The following ZNF777 variants were observed in gnomAD, a reference collection of about 807,000 sequenced individuals.
The protein encoded by ZNF777 is zinc finger protein 777.
Under a neutral mutation model 72.1 loss-of-function variants are expected in ZNF777, and 7 were observed. The ratio of observed to expected loss-of-function variants is 0.10; its 90% CI spans 0.06 to 0.18. ZNF777 has a LOEUF of 0.18. ZNF777 is among the 10% of genes least tolerant of loss of function. The pLI is 1.00. For missense variants in ZNF777, 828 were observed against 1,128.6 expected (o/e 0.73, Z 3.82); for synonymous variants, 545 against 483.5 (o/e 1.13, Z -1.67).
chr7:149,432,019 G>A lies in ZNF777; in HGVS notation c.2253C>T (p.Ala751=), dbSNP rs752408818. The A allele has an allele frequency of 2.5e-5, 41 of 1,607,946 alleles. No homozygotes were observed. Among genetic ancestry groups the A allele is most frequent in the Admixed American group, 6.7e-5 (4 of 59,720 alleles). ...CRVHSRERPH[A]CPECGKSFIR... is the part of the protein sequence containing the mutation. ...TGAAGCTCTTGCCGCACTCGGGGCA[G>A]GCGTGCGGCCGCTCGCGCGAGTGCA... Residue 751 remains alanine, a synonymous_variant, in exon 6 of 6, where the codon GCC becomes GCT. Coordinates refer to ENST00000247930, the MANE Select transcript of ZNF777 (RefSeq NM_015694.3).
At position 149,432,565 on chromosome 7, in the gene ZNF777, G is replaced by A. The variant is rs757391557; in HGVS notation, c.1707C>T (p.Ile569=). The change falls in exon 6 of 6, where the codon ATC becomes ATT. Residue 569 remains isoleucine, a synonymous_variant. Transcript: ENST00000247930. ...INLIIHQRNH[I]KEGPYECAEC... ...CGGCGCACTCGTAGGGCCCCTCCTT[G>A]ATGTGGTTGCGCTGGTGGATGATGA... 1.9e-6 allele frequency: 3 copies of A among 1,613,492 alleles called. No homozygotes were observed. Among genetic ancestry groups the A allele is most frequent in the Non-Finnish European group, 2.5e-6 (3 of 1,179,754 alleles).
At chr7:149,432,987 T>A in intron 5 of ZNF777, 55 bp from the exon 6 acceptor site, 2 of 1,447,272 alleles carry the variant, frequency 1.4e-6, no homozygotes, top group Non-Finnish European at 1.8e-6. Context: ...GCCCCTAACC[T>A]ACCTGGATGG....
intron 1 of ZNF777, among the ~76,000 whole-genome samples, chr7:149,456,362 G>C (rs1205848456): frequency 6.6e-6 from 1 of 152,092 alleles, no homozygotes; most frequent in African/African-American, 2.4e-5. Flanking sequence ...TAGAGCTTTT[G>C]GCCCTGTCTA....
At position 149,432,874 on chromosome 7, in the gene ZNF777, A is replaced by ATCC. The variant is rs747645475; in HGVS notation, c.1395_1397dup (p.Glu465dup). The ATCC allele has an allele frequency of 1.5e-5, 24 of 1,557,138 alleles. No homozygotes were observed. In the East Asian group the frequency reaches 3.4e-4, roughly 22 times the overall value. ...GGGATTGCAAGTGCTGCGGCAGCTCATCCTCCTCCTCCTCTTCTTCCTCCT... is the reference window on the plus strand; with the variant it reads ...GGGATTGCAAGTGCTGCGGCAGCTCATCCTCCTCCTCCTCCTCTTCTTCCTCCT... On this transcript the variant is annotated inframe_insertion, in exon 6 of 6. Transcript: ENST00000247930.
chr7:149,443,963 T>C (rs1799566267), intron 4 of ZNF777, among the ~76,000 whole-genome samples: 1 of 152,200 alleles, frequency 6.6e-6, no homozygotes, highest in South Asian at 2.1e-4. Context: ...AGCAATCACT[T>C]CAATGATTCC....
intron 4 of ZNF777, among the ~76,000 whole-genome samples, chr7:149,438,291 C>T (rs555061670): frequency 2.6e-5 from 4 of 152,212 alleles, no homozygotes; most frequent in Admixed American, 6.5e-5. Context: ...AGCCACCACA[C>T]CTGGCTTCAA....
intron 1 of ZNF777, among the ~76,000 whole-genome samples, chr7:149,458,483 G>C (rs981064437): frequency 1.3e-5 from 2 of 149,410 alleles, no homozygotes; most frequent in South Asian, 4.2e-4. Flanking sequence ...GAGTAATGCA[G>C]AGGTTTAACT....
intron 4 of ZNF777, among the ~76,000 whole-genome samples, chr7:149,440,662 GTTGTTTTTTTGTT>G (rs1297244445): frequency 1.3e-4 from 16 of 124,618 alleles, no homozygotes; most frequent in African/African-American, 4.6e-4. Flanking sequence ...CCAGCAGCCT[GTTGTTTTTTTGTT>G]TTTTTTTTTT....
At chr7:149,442,281 A>G (rs543433415) in intron 4 of ZNF777, among the ~76,000 whole-genome samples, 16 of 145,992 alleles carry the variant, frequency 1.1e-4, no homozygotes, top group Non-Finnish European at 2.1e-4. Flanking sequence ...TATTACACAC[A>G]CACACACACA....
intron 4 of ZNF777, among the ~76,000 whole-genome samples, chr7:149,437,530 T>G (rs1008268376): frequency 6.6e-6 from 1 of 152,240 alleles, no homozygotes; most frequent in Admixed American, 6.5e-5. Flanking sequence ...TGTTACGCAC[T>G]GCCCTGAAAT....
intron 1 of ZNF777, 36 bp from the exon 2 acceptor site, chr7:149,456,073 G>A (rs1799825176): frequency 2.0e-6 from 3 of 1,512,368 alleles, no homozygotes; most frequent in Non-Finnish European, 2.7e-6. Flanking sequence ...AGGATTAAAG[G>A]CCACAGTCTC....
rs939112713 is a variant in ZNF777 at position 149,436,723 on chromosome 7, G to A, written c.1191C>T (p.Gly397=). The A allele has an allele frequency of 6.2e-7, 1 of 1,614,028 alleles. No homozygotes were observed. The highest frequency in any genetic ancestry group is 1.3e-5 in the African/African-American group (1 of 74,922). The change falls in exon 5 of 6, where the codon GGC becomes GGT. Residue 397 remains glycine (G), a synonymous_variant. Coordinates refer to ENST00000247930, the MANE Select transcript of ZNF777 (RefSeq NM_015694.3). The surrounding 1 kb of genome is among the most constrained non-coding windows in gnomAD (Gnocchi z 5.0). ...GGTCACCCAGCTCTGAGTCCTGGAA[G>A]CCGTGCTCTTCCACCTGTCCCATCA... ...EPLMGQVEEH[G]FQDSELGDPC... is the part of the protein sequence containing the mutation.
At chr7:149,434,652 G>A (rs1240408393) in intron 5 of ZNF777, among the ~76,000 whole-genome samples, 2 of 152,052 alleles carry the variant, frequency 1.3e-5, no homozygotes, top group African/African-American at 2.4e-5. Context: ...GCACGATCTC[G>A]GTTGACTGCA....
Position 149,460,033 on chromosome 7 carries a change from G to T in ZNF777, c.-16+782C>A. On this transcript the variant is annotated intron_variant, in intron 1 of 5. Coordinates refer to ENST00000247930, the MANE Select transcript of ZNF777 (RefSeq NM_015694.3). This position sits in a 1 kb window ranked among gnomAD's most constrained non-coding sequence, Gnocchi z 6.1. The stretch of plus-strand genomic sequence containing the variant: ...TCGTAGCGTTTCTGCCCCTTACCGA[G>T]ATCCCAGGCCGGGCCGCCGAGCCCG... 1.0e-6 allele frequency: 1 copy of T among 981,498 alleles called. No homozygotes were observed. The highest frequency in any genetic ancestry group is 1.2e-6 in the Non-Finnish European group (1 of 827,946). The allele number at this position is 981,498 out of a possible 1,614,324, so 60.8% of individuals were successfully genotyped here.
chr7:149,458,559 T>C (rs138445042), intron 1 of ZNF777, among the ~76,000 whole-genome samples: 1 of 149,824 alleles, frequency 6.7e-6, no homozygotes, highest in African/African-American at 2.4e-5. Context: ...TCCAGTATAG[T>C]AAACAGAGCC....
intron 1 of ZNF777, among the ~76,000 whole-genome samples, chr7:149,457,604 T>C (rs1159092854): frequency 6.6e-6 from 1 of 152,256 alleles, no homozygotes; most frequent in East Asian, 1.9e-4. Context: ...GGTTCATTTA[T>C]AGGTGACTTA....
intron 4 of ZNF777, 124 bp downstream of exon 4, chr7:149,450,875 C>T (rs1044332851): frequency 1.9e-5 from 15 of 774,614 alleles, no homozygotes; most frequent in African/African-American, 3.5e-5. Flanking sequence ...CTGGCACCTG[C>T]GGGCCTCCTT....
intron 5 of ZNF777, 73 bp from the exon 6 acceptor site, chr7:149,433,005 G>A: frequency 6.9e-7 from 1 of 1,442,184 alleles, no homozygotes; most frequent in South Asian, 1.5e-5. Context: ...TGGAGGTACA[G>A]CACTGCTTCA....
At chr7:149,449,739 A>G (rs981114275) in intron 4 of ZNF777, among the ~76,000 whole-genome samples, 3 of 152,102 alleles carry the variant, frequency 2.0e-5, no homozygotes, top group African/African-American at 7.2e-5. Context: ...CATGTGCCAC[A>G]CTGTCACCAA....
Sources: gnomAD v4.1 joint callset for allele counts (sites outside exome capture counted in the v4.1 genomes callset) on GRCh38, gnomAD v4.1.1 for gene constraint, Gnocchi (gnomAD v3.1) non-coding constraint, MANE v1.5 for transcripts, NCBI Gene and HGNC (gene_info 2026-07-23, HGNC 2026-07-21) for gene names.